The following NAV3 variants were observed in gnomAD, a reference collection of about 807,000 sequenced individuals.
The protein encoded by NAV3 is neuron navigator 3.
Under a neutral mutation model 244.7 loss-of-function variants are expected in NAV3, and 87 were observed. The observed-to-expected ratio is 0.36, with a 90% CI of 0.30 to 0.42. The LOEUF (loss-of-function observed/expected upper bound fraction) is 0.42. Among genes scored for constraint, NAV3 ranks in the 20% least tolerant of loss-of-function variants. NAV3 has a pLI of 1.00. For synonymous variants in NAV3, 1,126 were observed against 1,042.2 expected, an observed-to-expected ratio of 1.08 and a Z score of -1.55; for missense variants, 2,663 against 2,893.3, an observed-to-expected ratio of 0.92 and a Z score of 1.83.
At chr12:78,029,899 A>G (rs1878692331) in intron 9 of NAV3, among the ~76,000 whole-genome samples, 1 of 152,218 alleles carries the variant, frequency 6.6e-6, no homozygotes. Context: ...AATGATGGTG[A>G]TGCCACAAAA....
intron 10 of NAV3, 25 bp from the exon 11 acceptor site, chr12:78,050,739 G>A (rs2137242878): frequency 6.4e-7 from 1 of 1,563,734 alleles, no homozygotes; most frequent in Non-Finnish European, 8.7e-7. Context: ...CCAGAGTATA[G>A]TTATTTCTCC....
At chr12:77,990,569 C>A (rs1312236579) in intron 5 of NAV3, among the ~76,000 whole-genome samples, 2 of 152,120 alleles carry the variant, frequency 1.3e-5, no homozygotes, top group Non-Finnish European at 2.9e-5. Flanking sequence ...TATGTTTATT[C>A]AAAAGAAACT....
intron 2 of NAV3, 60 bp downstream of exon 2, chr12:77,940,496 C>A: frequency 7.3e-7 from 1 of 1,366,948 alleles, no homozygotes; most frequent in South Asian, 1.2e-5. Flanking sequence ...TTTGGTAAAG[C>A]ACAACTTAAG....
intron 5 of NAV3, among the ~76,000 whole-genome samples, chr12:77,984,897 A>G (rs1315934038): frequency 6.6e-6 from 1 of 151,902 alleles, no homozygotes; most frequent in African/African-American, 2.4e-5. Flanking sequence ...GCTCACTGCA[A>G]CTCCCACCTC....
At chr12:78,001,105 C>G (rs1010959345) in intron 7 of NAV3, among the ~76,000 whole-genome samples, 11 of 151,970 alleles carry the variant, frequency 7.2e-5, no homozygotes, top group Non-Finnish European at 1.3e-4. Flanking sequence ...ATATACAAAT[C>G]CATCTGGTGA....
At chr12:78,200,084 TTTAGA>T (rs752775016) in intron 37 of NAV3, among the ~76,000 whole-genome samples, 26 of 152,200 alleles carry the variant, frequency 1.7e-4, no homozygotes, top group Non-Finnish European at 3.1e-4. Context: ...GTCAACACAG[TTTAGA>T]TTAGGAAGAA....
chr12:77,660,653 A>T (rs1873396795), intron 2 of NAV3, among the ~76,000 whole-genome samples: 1 of 152,284 alleles, frequency 6.6e-6, no homozygotes, highest in Admixed American at 6.5e-5. Flanking sequence ...ATATACAGAC[A>T]TGTTTAGGTA....
At position 78,205,114 on chromosome 12, in the gene NAV3, A is replaced by C. The variant is rs748819578; in HGVS notation, c.7014A>C (p.Gln2338His). The C allele has an allele frequency of 2.5e-6, 4 of 1,613,368 alleles. No homozygotes were observed. Among genetic ancestry groups the C allele is most frequent in the Admixed American group, 1.7e-5 (1 of 59,860 alleles). ...KEATTSKHIPQTDTEGDPLMN... is the reference protein window; with the variant it reads ...KEATTSKHIPHTDTEGDPLMN... Reference sequence around the variant, plus strand: ...CCACAACCTCAAAGCACATTCCGCAAACTGACACAGAAGGAGATCCCCTGG... The same window carrying C: ...CCACAACCTCAAAGCACATTCCGCACACTGACACAGAAGGAGATCCCCTGG... Residue 2338 changes from glutamine (Q) to histidine (H), a missense_variant, in exon 39 of 40, where the codon CAA (glutamine) becomes CAC (histidine). By Grantham distance (24) the Gln-to-His change is conservative (BLOSUM62 0). Around this residue, in one of 6 missense-constraint regions of NAV3, gnomAD observed 543 missense variants for 672.4 expected, o/e 0.81. Coordinates refer to ENST00000397909, the MANE Select transcript of NAV3 (RefSeq NM_001024383.2).
At chr12:77,627,023 G>A (rs776534144) in intron 2 of NAV3, among the ~76,000 whole-genome samples, 2 of 152,082 alleles carry the variant, frequency 1.3e-5, no homozygotes, top group East Asian at 1.9e-4. Context: ...GACAGAAGTA[G>A]CCCTCACCTA....
intron 1 of NAV3, among the ~76,000 whole-genome samples, chr12:77,878,428 C>T (rs1013810818): frequency 6.6e-6 from 1 of 151,928 alleles, no homozygotes; most frequent in African/African-American, 2.4e-5. Flanking sequence ...AGGGTTTCAC[C>T]ATGTTGGTCA....
chr12:77,653,151 T>C (rs1247733666), intron 2 of NAV3, among the ~76,000 whole-genome samples: 3 of 152,216 alleles, frequency 2.0e-5, no homozygotes, highest in Non-Finnish European at 2.9e-5. Context: ...GCTGATTCTA[T>C]GATGAATCTT....
intron 12 of NAV3, among the ~76,000 whole-genome samples, chr12:78,111,740 C>T (rs1955103325): frequency 6.6e-6 from 1 of 151,868 alleles, no homozygotes; most frequent in Admixed American, 6.6e-5. Flanking sequence ...AAATTTTTTC[C>T]AGTCTGTGGG....
intron 2 of NAV3, among the ~76,000 whole-genome samples, chr12:77,656,807 C>A (rs1387128359): frequency 6.6e-6 from 1 of 151,824 alleles, no homozygotes; most frequent in African/African-American, 2.4e-5. Flanking sequence ...AAGAAACTCA[C>A]TCAAAACCGC....
intron 2 of NAV3, among the ~76,000 whole-genome samples, chr12:77,675,842 C>T (rs1874180352): frequency 6.6e-6 from 1 of 152,090 alleles, no homozygotes; most frequent in East Asian, 1.9e-4. Flanking sequence ...TGTTTGTGGA[C>T]TATAGGTTTC....
At chr12:77,779,335 A>G (rs879379164) in intron 2 of NAV3, among the ~76,000 whole-genome samples, 8 of 152,324 alleles carry the variant, frequency 5.3e-5, no homozygotes, top group Non-Finnish European at 1.2e-4. Context: ...AGTAAAATGG[A>G]CTTATTCCAA....
intron 11 of NAV3, among the ~76,000 whole-genome samples, chr12:78,054,446 T>A (rs1883192121): frequency 6.6e-6 from 1 of 152,192 alleles, no homozygotes; most frequent in African/African-American, 2.4e-5. Flanking sequence ...AAATACTATA[T>A]CTTAGAGATT....
intron 2 of NAV3, among the ~76,000 whole-genome samples, chr12:77,768,716 G>A (rs2135867658): frequency 6.6e-6 from 1 of 152,324 alleles, no homozygotes; most frequent in South Asian, 2.1e-4. Flanking sequence ...AGCTACAGCT[G>A]GAGAGCTGAA....
At chr12:77,735,650 T>C (rs1877304182) in intron 2 of NAV3, among the ~76,000 whole-genome samples, 2 of 152,228 alleles carry the variant, frequency 1.3e-5, no homozygotes, top group South Asian at 4.1e-4. Context: ...ACTATGATCA[T>C]AAAAAAATGA....
chr12:78,067,662 A>G lies in NAV3; in HGVS notation c.2636+8547A>G, dbSNP rs542330064. Among the ~76,000 whole-genome samples, 3 of 152,202 alleles carry G rather than the reference A, an allele frequency of 2.0e-5. No individual in the cohort carries two copies. The South Asian group carries it at 6.2e-4, about 32-fold the overall frequency. On this transcript the variant is annotated intron_variant, in intron 12 of 39. Coordinates refer to ENST00000397909, the MANE Select transcript of NAV3 (RefSeq NM_001024383.2). ...TTTTTATTCAAGAGTCTTATATTAGAAGAGCATTAGAATAGGGATTGTTAA... is the reference window on the plus strand; with the variant it reads ...TTTTTATTCAAGAGTCTTATATTAGGAGAGCATTAGAATAGGGATTGTTAA...
Sources: allele counts gnomAD v4.1 joint callset (sites outside exome capture counted in the v4.1 genomes callset), GRCh38; gene constraint gnomAD v4.1.1; regional missense constraint gnomAD v4.1.1; transcripts MANE v1.5; gene names NCBI Gene and HGNC (gene_info 2026-07-23, HGNC 2026-07-21).